Variants in MYO16 observed in about 807,000 individuals in gnomAD.
MYO16 encodes the protein unconventional myosin-XVI.
In MYO16, 94 loss-of-function variants were observed where a neutral mutation model predicts 205.3. The observed-to-expected ratio is 0.46, with a 90% CI of 0.39 to 0.54. MYO16 has a LOEUF of 0.54. Among genes scored for constraint, MYO16 ranks in the 20% least tolerant of loss-of-function variants. The probability of loss-of-function intolerance (pLI) is 0.00; values close to 1 mark genes in which losing one functional copy is unlikely to be tolerated. For synonymous variants in MYO16, 988 were observed against 954.0 expected, an observed-to-expected ratio of 1.04 and a Z score of -0.66; for missense variants, 2,315 against 2,387.5, an observed-to-expected ratio of 0.97 and a Z score of 0.63.
the MYO16 span, among the ~76,000 whole-genome samples, chr13:108,581,459 A>G: frequency 6.6e-6 from 1 of 151,750 alleles, no homozygotes. Flanking sequence ...CTTTTTTTCT[A>G]CTTATATCTC....
chr13:109,099,665 T>C lies in MYO16; in HGVS notation c.3336-1120T>C, dbSNP rs73618384. 4.4e-3 allele frequency among the ~76,000 whole-genome samples: 664 copies of C among 152,298 alleles called. 5 individuals are homozygous for C. The highest frequency in any genetic ancestry group is 0.015 in the African/African-American group (607 of 41,574). On this transcript the variant is annotated intron_variant, in intron 27 of 34. Coordinates refer to ENST00000457511, the MANE Select transcript of MYO16 (RefSeq NM_001198950.3). The stretch of plus-strand genomic sequence containing the variant: ...TCCCAGCCTATGTTACACACCAGAC[T>C]GTACTGCCGCACATGTGAGCCCTCG...
the MYO16 span, among the ~76,000 whole-genome samples, chr13:108,533,961 T>A: frequency 2.0e-5 from 3 of 152,174 alleles, no homozygotes; most frequent in African/African-American, 7.2e-5. Flanking sequence ...CCCCTTAGTT[T>A]TGCATAGTTG....
chr13:108,745,764 A>G (rs2139622833), intron 4 of MYO16, among the ~76,000 whole-genome samples: 1 of 152,332 alleles, frequency 6.6e-6, no homozygotes, highest in Non-Finnish European at 1.5e-5. Flanking sequence ...AAGAACTATT[A>G]TTAATATACA....
chr13:108,662,869 C>T (rs1352546555), intron 1 of MYO16, among the ~76,000 whole-genome samples: 2 of 152,170 alleles, frequency 1.3e-5, no homozygotes, highest in Non-Finnish European at 2.9e-5. Flanking sequence ...CCCAATGAAT[C>T]CCTGTGGTGC....
At chr13:108,887,655 A>C (rs1459341282) in intron 13 of MYO16, among the ~76,000 whole-genome samples, 4 of 152,224 alleles carry the variant, frequency 2.6e-5, no homozygotes. Flanking sequence ...TCTTTCCTAG[A>C]TTAAAGAAAA....
At chr13:109,113,964 T>A (rs1875537969) in intron 28 of MYO16, among the ~76,000 whole-genome samples, 3 of 152,166 alleles carry the variant, frequency 2.0e-5, no homozygotes, top group Admixed American at 2.0e-4. Context: ...GGGGATAAGA[T>A]GAGCTCTCAC....
In MYO16 at chr13:108,621,606, T is replaced by A. The variant is rs568147958; in HGVS notation, c.-39+25367T>A. Among the ~76,000 whole-genome samples the A allele has an allele frequency of 2.0e-5, 3 of 152,244 alleles. No individual in the cohort carries two copies. In the East Asian group the frequency reaches 5.8e-4, roughly 30 times the overall value. On this transcript the variant is annotated intron_variant, in intron 1 of 24. Coordinates refer to the MYO16 transcript ENST00000251041. ...GTTAATCATCCACGTCGTCTACTCC[T>A]GACATCCAGTCATCGACATTGTCGT...
rs75209125 is a variant in MYO16 at position 108,715,732 on chromosome 13, G to A, written c.363+3001G>A. ...TGGAGAGGGATAAGCAGATGATAGC[G>A]AAGGAGGCAAACAATGGGGCCACAA... On this transcript the variant is annotated intron_variant, in intron 3 of 34. Coordinates refer to ENST00000457511, the MANE Select transcript of MYO16 (RefSeq NM_001198950.3). Among the ~76,000 whole-genome samples, 650 of 152,314 alleles carry A rather than the reference G, an allele frequency of 4.3e-3. 3 individuals are homozygous for A. Among genetic ancestry groups the A allele is most frequent in the African/African-American group, 0.015 (613 of 41,560 alleles).
chr13:109,193,996 T>A (rs2139951918), intron 34 of MYO16, among the ~76,000 whole-genome samples: 1 of 152,316 alleles, frequency 6.6e-6, no homozygotes, highest in African/African-American at 2.4e-5. Flanking sequence ...ATACTGCCTT[T>A]AAATGTGTTG....
intron 2 of MYO16, among the ~76,000 whole-genome samples, chr13:108,666,830 A>G (rs1378379929): frequency 6.6e-6 from 1 of 152,198 alleles, no homozygotes; most frequent in East Asian, 1.9e-4. Flanking sequence ...ATACTCTTGT[A>G]TGTGAATTTT....
chr13:109,055,974 T>A lies in MYO16; in HGVS notation c.3335+379T>A. On this transcript the variant is annotated intron_variant, in intron 27 of 34. Transcript: ENST00000457511. The surrounding 1 kb of genome is among the most constrained non-coding windows in gnomAD (Gnocchi z 5.0). ...ATGAACAAAATATTATTTAGATCAGTGGTTGGCAAACTACACTCATGGGCC... is the reference window on the plus strand; with the variant it reads ...ATGAACAAAATATTATTTAGATCAGAGGTTGGCAAACTACACTCATGGGCC... 6.0e-6 allele frequency: 1 copy of A among 166,174 alleles called. No individual in the cohort carries two copies. The highest frequency in any genetic ancestry group is 1.3e-5 in the Non-Finnish European group (1 of 75,782). 10.3% of individuals were successfully genotyped at this position (166,174 alleles called of 1,614,324 possible). A position where few individuals can be genotyped will look rare whatever the true frequency, so the allele number is the denominator to read the frequency against.
the MYO16 span, among the ~76,000 whole-genome samples, chr13:108,584,759 A>G: frequency 6.6e-6 from 1 of 152,326 alleles, no homozygotes; most frequent in Non-Finnish European, 1.5e-5. Flanking sequence ...AATCAGGTAC[A>G]TGTCTGTTAG....
At chr13:108,875,089 A>G (rs1048328860) in intron 12 of MYO16, among the ~76,000 whole-genome samples, 1 of 152,204 alleles carries the variant, frequency 6.6e-6, no homozygotes, top group African/African-American at 2.4e-5. Flanking sequence ...AGAAGGAAGG[A>G]ACCTGTTATC....
At chr13:109,205,195 C>G (rs983423240) in intron 34 of MYO16, among the ~76,000 whole-genome samples, 1 of 152,130 alleles carries the variant, frequency 6.6e-6, no homozygotes, top group South Asian at 2.1e-4. Context: ...GTAAATTCAA[C>G]TGGGGAGGCT....
At chr13:108,719,467 G>A (rs1395688129) in intron 3 of MYO16, among the ~76,000 whole-genome samples, 2 of 151,868 alleles carry the variant, frequency 1.3e-5, no homozygotes, top group Non-Finnish European at 2.9e-5. Context: ...GAGCTCTACC[G>A]AGACGGGCCA....
chr13:108,686,865 A>G (rs747479594), intron 2 of MYO16, among the ~76,000 whole-genome samples: 3 of 152,146 alleles, frequency 2.0e-5, no homozygotes, highest in Non-Finnish European at 4.4e-5. Flanking sequence ...TGCTTCCTGG[A>G]AAGTAGTTTA....
At chr13:109,046,057 G>A (rs1000862392) in intron 23 of MYO16, among the ~76,000 whole-genome samples, 21 of 151,610 alleles carry the variant, frequency 1.4e-4, no homozygotes, top group African/African-American at 2.7e-4. Flanking sequence ...GCGGATCCTC[G>A]CCCTCCCTCA....
chr13:108,981,854 C>T (rs1179952376), intron 20 of MYO16, among the ~76,000 whole-genome samples: 2 of 152,150 alleles, frequency 1.3e-5, no homozygotes, highest in Non-Finnish European at 2.9e-5. Flanking sequence ...TTTGTATGTA[C>T]ATTTGAAGGT....
chr13:108,745,916 G>A (rs759496302), intron 4 of MYO16, among the ~76,000 whole-genome samples: 4 of 152,130 alleles, frequency 2.6e-5, no homozygotes, highest in Non-Finnish European at 4.4e-5. Context: ...AGCCGGGCGC[G>A]GTGGCTCACG....
Sources: gnomAD v4.1 joint callset for allele counts (sites outside exome capture counted in the v4.1 genomes callset) on GRCh38, gnomAD v4.1.1 for gene constraint, Gnocchi (gnomAD v3.1) non-coding constraint, MANE v1.5 for transcripts, NCBI Gene and HGNC (gene_info 2026-07-23, HGNC 2026-07-21) for gene names.